ASXL3: variants seen among roughly 807,000 people sequenced by gnomAD.
The protein encoded by ASXL3 is ASXL transcriptional regulator 3, also known as putative Polycomb group protein ASXL3.
Under a neutral mutation model 170.6 loss-of-function variants are expected in ASXL3, and 34 were observed. The observed-to-expected ratio is 0.20, with a 90% CI of 0.15 to 0.27. ASXL3 has a LOEUF of 0.27. Ranked by LOEUF, ASXL3 falls within the 10% of genes least tolerant of loss-of-function variation. The probability of loss-of-function intolerance (pLI) is 1.00; values close to 1 mark genes in which losing one functional copy is unlikely to be tolerated. For missense variants in ASXL3, 2,592 were observed against 2,695.3 expected, an observed-to-expected ratio of 0.96 and a Z score of 0.85; for synonymous variants, 1,002 against 989.1, an observed-to-expected ratio of 1.01 and a Z score of -0.24.
intron 1 of ASXL3, among the ~76,000 whole-genome samples, chr18:33,600,528 A>G (rs188374789): frequency 5.7e-5 from 8 of 140,336 alleles, no homozygotes; most frequent in African/African-American, 1.3e-4. Context: ...TACTTTGTAA[A>G]ACAAGTTTTA....
chr18:33,729,052 C>T (rs2067398665), intron 8 of ASXL3, among the ~76,000 whole-genome samples: 1 of 152,298 alleles, frequency 6.6e-6, no homozygotes, highest in African/African-American at 2.4e-5. Flanking sequence ...CCATGTAGAG[C>T]ATGAAGCCCA....
intron 1 of ASXL3, among the ~76,000 whole-genome samples, chr18:33,582,596 A>T (rs2065002380): frequency 6.6e-6 from 1 of 152,158 alleles, no homozygotes; most frequent in Non-Finnish European, 1.5e-5. Flanking sequence ...CTGAAAATAA[A>T]TCTTAACTAT....
intron 5 of ASXL3, 113 bp downstream of exon 5, chr18:33,661,850 A>C: frequency 8.4e-7 from 1 of 1,196,156 alleles, no homozygotes; most frequent in Non-Finnish European, 1.1e-6. Context: ...AATCTTCCTG[A>C]ATTCAATCCC....
chr18:33,638,951 A>G (rs979154075), intron 2 of ASXL3, among the ~76,000 whole-genome samples: 5 of 152,188 alleles, frequency 3.3e-5, no homozygotes, highest in African/African-American at 1.2e-4. Flanking sequence ...CTGTGTACAC[A>G]TGCCTGTGTC....
intron 1 of ASXL3, among the ~76,000 whole-genome samples, chr18:33,580,894 G>A (rs911205907): frequency 1.3e-5 from 2 of 152,068 alleles, no homozygotes; most frequent in African/African-American, 4.8e-5. Flanking sequence ...TTCAAAATGT[G>A]CCAGTTAAAA....
At chr18:33,715,713 G>T (rs896317052) in intron 8 of ASXL3, among the ~76,000 whole-genome samples, 11 of 152,092 alleles carry the variant, frequency 7.2e-5, no homozygotes, top group African/African-American at 2.7e-4. Flanking sequence ...AAACCTGAGG[G>T]TATTAAAATT....
chr18:33,719,989 G>C (rs935457959), intron 8 of ASXL3, among the ~76,000 whole-genome samples: 5 of 151,958 alleles, frequency 3.3e-5, no homozygotes, highest in Admixed American at 6.6e-5. Context: ...TATTATTGTT[G>C]TTAGTTATCG....
chr18:33,654,005 T>C (rs2066043203), intron 4 of ASXL3, among the ~76,000 whole-genome samples: 1 of 152,076 alleles, frequency 6.6e-6, no homozygotes, highest in Non-Finnish European at 1.5e-5. Context: ...CTCTTTTTCT[T>C]ACATATTTCC....
In ASXL3 at chr18:33,683,521, C is replaced by A. The variant is rs1379308182; in HGVS notation, c.832C>A (p.His278Asn). 3 of 1,613,474 alleles carry A rather than the reference C, an allele frequency of 1.9e-6. No homozygotes were observed. The highest frequency in any genetic ancestry group is 1.7e-6 in the Non-Finnish European group (2 of 1,179,662). ...ACATACGTTTGCTTCCTTACCTCAG[C>A]ATTTTCAACAATACCTCCTGCTTTT... ...NKHTFASLPQHFQQYLLLLLP... is the reference protein window; with the variant it reads ...NKHTFASLPQNFQQYLLLLLP... Residue 278 changes from histidine (H) to asparagine (N), a missense_variant, in exon 8 of 12, where the codon CAT (histidine) becomes AAT (asparagine). Physicochemically the swap from His to Asn is moderately conservative, Grantham distance 68. This residue lies in a region of ASXL3 where 73 missense variants were observed against 142.7 expected (regional missense o/e 0.51). Coordinates refer to ENST00000269197, the MANE Select transcript of ASXL3 (RefSeq NM_030632.3).
intron 4 of ASXL3, among the ~76,000 whole-genome samples, chr18:33,649,859 A>G (rs568684789): frequency 6.6e-6 from 1 of 152,198 alleles, no homozygotes; most frequent in South Asian, 2.1e-4. Context: ...CATGGATTGA[A>G]TTTAGGATAC....
intron 1 of ASXL3, among the ~76,000 whole-genome samples, chr18:33,605,214 GCT>G (rs1404617225): frequency 9.9e-5 from 15 of 152,022 alleles, no homozygotes; most frequent in Admixed American, 9.2e-4. Flanking sequence ...ATGCCTTTGT[GCT>G]CTGACTGTGG....
intron 1 of ASXL3, among the ~76,000 whole-genome samples, chr18:33,585,981 TA>T (rs1223363081): frequency 6.6e-6 from 1 of 151,800 alleles, no homozygotes; most frequent in Non-Finnish European, 1.5e-5. Flanking sequence ...TCTGTTGATT[TA>T]AAAAAATCAA....
intron 2 of ASXL3, among the ~76,000 whole-genome samples, chr18:33,629,371 A>AAGATGCTTG (rs1280060389): frequency 6.6e-6 from 1 of 152,148 alleles, no homozygotes; most frequent in Non-Finnish European, 1.5e-5. Context: ...TTACTTAAAT[A>AAGATGCTTG]AGATGCTTGC....
In ASXL3 at chr18:33,744,930, G is replaced by C; in HGVS notation, c.5082G>C (p.Pro1694=). ...TCCCTGGCCCTGAGCTGCCTCCTCC[G>C]GCTGCAGAGGGAGCCTCTAGTGTAC... ...EDFPGPELPP[P]AAEGASSVQQ... The change falls in exon 12 of 12, where the codon CCG becomes CCC. Residue 1694 remains proline, a synonymous_variant. Coordinates refer to ENST00000269197, the MANE Select transcript of ASXL3 (RefSeq NM_030632.3). 3.1e-6 allele frequency: 5 copies of C among 1,613,932 alleles called. No individual in the cohort carries two copies. Among genetic ancestry groups the C allele is most frequent in the Non-Finnish European group, 3.4e-6 (4 of 1,179,878 alleles).
chr18:33,707,345 C>T (rs1173183679), intron 8 of ASXL3, among the ~76,000 whole-genome samples: 1 of 151,850 alleles, frequency 6.6e-6, no homozygotes, highest in Non-Finnish European at 1.5e-5. Flanking sequence ...TCTTCCAATC[C>T]ATGACCATAA....
At chr18:33,606,793 C>T (rs2065255501) in intron 1 of ASXL3, among the ~76,000 whole-genome samples, 1 of 151,864 alleles carries the variant, frequency 6.6e-6, no homozygotes, top group Admixed American at 6.6e-5. Context: ...TGTTGGTGCA[C>T]AATAGGGGCA....
At chr18:33,731,210 C>CAA (rs5823916) in intron 8 of ASXL3, among the ~76,000 whole-genome samples, 3 of 151,672 alleles carry the variant, frequency 2.0e-5, no homozygotes, top group African/African-American at 4.8e-5. Context: ...CAAAAACAAA[C>CAA]AAAAAAGTGA....
At chr18:33,623,001 C>G (rs577844104) in intron 2 of ASXL3, among the ~76,000 whole-genome samples, 1 of 152,066 alleles carries the variant, frequency 6.6e-6, no homozygotes, top group African/African-American at 2.4e-5. Flanking sequence ...CACTTTTTAC[C>G]TTTGAAAAAA....
intron 5 of ASXL3, among the ~76,000 whole-genome samples, chr18:33,667,217 T>A (rs2066272245): frequency 6.6e-6 from 1 of 152,152 alleles, no homozygotes; most frequent in South Asian, 2.1e-4. Context: ...CTGGTTAAGA[T>A]AACTTTGCTC....
Sources: allele counts gnomAD v4.1 joint callset (sites outside exome capture counted in the v4.1 genomes callset), GRCh38; gene constraint gnomAD v4.1.1; regional missense constraint gnomAD v4.1.1; transcripts MANE v1.5; gene names NCBI Gene and HGNC (gene_info 2026-07-23, HGNC 2026-07-21).